Variants in GATAD2B observed in about 807,000 individuals in gnomAD.
GATAD2B encodes GATA zinc finger domain containing 2B.
In GATAD2B, 8 loss-of-function variants were observed where a neutral mutation model predicts 64.3. That is an observed-to-expected ratio of 0.12 (90% CI 0.07 to 0.22). The LOEUF is 0.22. Ranked by LOEUF, GATAD2B falls within the 10% of genes least tolerant of loss-of-function variation. The pLI is 1.00. For synonymous variants in GATAD2B, 281 were observed against 271.3 expected (o/e 1.04, Z -0.35); for missense variants, 453 against 752.0 (o/e 0.60, Z 4.65).
intron 1 of GATAD2B, among the ~76,000 whole-genome samples, chr1:153,837,750 T>C (rs940416117): frequency 1.1e-4 from 16 of 152,184 alleles, no homozygotes; most frequent in African/African-American, 3.1e-4. Flanking sequence ...AGTTAAATTA[T>C]GTCCCCTATT....
intron 1 of GATAD2B, among the ~76,000 whole-genome samples, chr1:153,882,163 TCCC>T (rs1285916505): frequency 1.3e-5 from 2 of 151,968 alleles, no homozygotes; most frequent in Non-Finnish European, 2.9e-5. Flanking sequence ...ACCCTAACTA[TCCC>T]CCCATCATTG....
chr1:153,870,827 T>A (rs1288850493), intron 1 of GATAD2B, among the ~76,000 whole-genome samples: 1 of 152,224 alleles, frequency 6.6e-6, no homozygotes, highest in Non-Finnish European at 1.5e-5. Flanking sequence ...ACTTCTGGTT[T>A]CAGGCATTTT....
chr1:153,921,580 T>C (rs964502814), intron 1 of GATAD2B, among the ~76,000 whole-genome samples: 1 of 148,488 alleles, frequency 6.7e-6, no homozygotes, highest in African/African-American at 2.4e-5. Context: ...TCCCCCCATC[T>C]CTCTCTCTCT....
rs944791490 is a variant in GATAD2B, at chr1:153,887,109, T to C, written c.-2+35624A>G. Among the ~76,000 whole-genome samples, 10 of 152,138 alleles carry C rather than the reference T, an allele frequency of 6.6e-5. No homozygotes were observed. The South Asian group carries it at 2.1e-3, about 31-fold the overall frequency. The stretch of plus-strand genomic sequence containing the variant: ...CAGATCACAGAACAGCCAAACCCCA[T>C]TCATATGGTCAAAAAGTTACATTTT... On this transcript the variant is annotated intron_variant, in intron 1 of 10. Transcript: ENST00000368655.
chr1:153,873,069 T>C (rs1676720395), intron 1 of GATAD2B, among the ~76,000 whole-genome samples: 1 of 152,144 alleles, frequency 6.6e-6, no homozygotes, highest in South Asian at 2.1e-4. Flanking sequence ...CCTAACGTTT[T>C]AATCAGCATT....
At chr1:153,898,378 A>G (rs1677669242) in intron 1 of GATAD2B, among the ~76,000 whole-genome samples, 1 of 152,030 alleles carries the variant, frequency 6.6e-6, no homozygotes, top group East Asian at 1.9e-4. Flanking sequence ...AGAAATTATA[A>G]TAAACTACAA....
intron 1 of GATAD2B, chr1:153,852,205 C>T: frequency 9.8e-7 from 1 of 1,023,558 alleles, no homozygotes; most frequent in South Asian, 1.3e-5. Context: ...GTGAAAGGGA[C>T]CTACCAGCCA....
chr1:153,911,255 AT>A (rs746591242), intron 1 of GATAD2B, among the ~76,000 whole-genome samples: 1 of 152,182 alleles, frequency 6.6e-6, no homozygotes, highest in Non-Finnish European at 1.5e-5. Flanking sequence ...AACACTGAGA[AT>A]GGTTGGTTTT....
intron 1 of GATAD2B, among the ~76,000 whole-genome samples, chr1:153,842,657 T>C (rs1460356254): frequency 6.8e-6 from 1 of 146,264 alleles, no homozygotes; most frequent in Non-Finnish European, 1.5e-5. Context: ...TGTATGTATG[T>C]ATGTATGTAT....
chr1:153,853,225 G>C (rs1557804562), intron 1 of GATAD2B: 1 of 1,113,662 alleles, frequency 9.0e-7, no homozygotes, highest in African/African-American at 1.5e-5. Context: ...AGAGCACACT[G>C]GTCATGGCCA....
At chr1:153,824,140 C>T (rs1427732285) in intron 2 of GATAD2B, among the ~76,000 whole-genome samples, 1 of 152,186 alleles carries the variant, frequency 6.6e-6, no homozygotes, top group Admixed American at 6.5e-5. Context: ...ATGTTGGGTA[C>T]AGCGGCCCAT....
Position 153,816,665 on chromosome 1 carries a change from C to A in GATAD2B, c.901-77G>T. 1 of 920,090 alleles carries A rather than the reference C, an allele frequency of 1.1e-6. No individual in the cohort carries two copies. The highest frequency in any genetic ancestry group is 1.5e-5 in the South Asian group (1 of 65,530). The allele number at this position is 920,090 out of a possible 1,614,324, so 57.0% of individuals were successfully genotyped here. ...ATTCTTACGTTCTTGGCAGAGGACA[C>A]TGTCTGATCCTGGTTTGGACTACTT... is the stretch of plus-strand genomic sequence containing the variant. On this transcript the variant is annotated intron_variant, in intron 6 of 10. Transcript: ENST00000368655. The surrounding 1 kb of genome is among the most constrained non-coding windows in gnomAD (Gnocchi z 4.9).
At chr1:153,873,741 C>G (rs1676740789) in intron 1 of GATAD2B, among the ~76,000 whole-genome samples, 1 of 152,126 alleles carries the variant, frequency 6.6e-6, no homozygotes, top group African/African-American at 2.4e-5. Flanking sequence ...TACAGGAGCT[C>G]CACTCCAGCC....
At chr1:153,863,829 T>C (rs906053008) in intron 1 of GATAD2B, among the ~76,000 whole-genome samples, 9 of 152,138 alleles carry the variant, frequency 5.9e-5, no homozygotes. Flanking sequence ...TTTCACCATG[T>C]TGGCCAGGAT....
At chr1:153,914,785 T>C (rs1479065527) in intron 1 of GATAD2B, 2 of 151,982 alleles carry the variant, frequency 1.3e-5, no homozygotes, top group Non-Finnish European at 2.9e-5. Context: ...AATTTAAAAA[T>C]TAGGCTTGGT....
chr1:153,855,797 T>C (rs1452546505), intron 1 of GATAD2B, among the ~76,000 whole-genome samples: 1 of 152,030 alleles, frequency 6.6e-6, no homozygotes, highest in Admixed American at 6.6e-5. Context: ...CACCTCAGCC[T>C]CTGGGACTGG....
At position 153,805,726 on chromosome 1, in the gene GATAD2B, C is replaced by T. The variant is rs574312445; in HGVS notation, c.*4451G>A. 1 of 152,336 alleles carries T rather than the reference C, an allele frequency of 6.6e-6. No individual in the cohort carries two copies. Among genetic ancestry groups the T allele is most frequent in the South Asian group, 2.1e-4 (1 of 4,826 alleles). 9.4% of individuals were successfully genotyped at this position (152,336 alleles called of 1,614,324 possible). A position where few individuals can be genotyped will look rare whatever the true frequency, so the allele number is the denominator to read the frequency against. ...GGTGGCCAGATGATCCCCCTCTTCA[C>T]TTCACAGATAAGAAAATTGATACTC... is the stretch of plus-strand genomic sequence containing the variant. On this transcript the variant is annotated 3_prime_UTR_variant, in exon 11 of 11. Transcript: ENST00000368655.
intron 1 of GATAD2B, among the ~76,000 whole-genome samples, chr1:153,862,829 A>G (rs1389240252): frequency 1.3e-5 from 2 of 151,634 alleles, no homozygotes; most frequent in South Asian, 2.1e-4. Flanking sequence ...GGTTCAAGCA[A>G]TTCTCCTGCC....
At chr1:153,836,792 T>C (rs973225508) in intron 1 of GATAD2B, among the ~76,000 whole-genome samples, 3 of 152,198 alleles carry the variant, frequency 2.0e-5, no homozygotes, top group African/African-American at 7.2e-5. Flanking sequence ...CAAAATTCAA[T>C]AACCTAGAGC....
Sources: allele counts gnomAD v4.1 joint callset (sites outside exome capture counted in the v4.1 genomes callset), GRCh38; gene constraint gnomAD v4.1.1; non-coding constraint Gnocchi (gnomAD v3.1); transcripts MANE v1.5; gene names NCBI Gene and HGNC (gene_info 2026-07-23, HGNC 2026-07-21).